CAST: variants seen among roughly 807,000 people sequenced by gnomAD.
CAST encodes MIR583 host.
A neutral mutation model predicts 119.6 loss-of-function variants in CAST; 76 were observed. The ratio of observed to expected loss-of-function variants is 0.64; its 90% CI spans 0.53 to 0.77. The LOEUF is 0.77. CAST is among the 30% of genes least tolerant of loss of function. The pLI, the probability that CAST is intolerant of heterozygous loss-of-function variation, is 0.00. For missense variants in CAST, 953 were observed against 946.5 expected, an observed-to-expected ratio of 1.01 and a Z score of -0.09; for synonymous variants, 319 against 331.6, an observed-to-expected ratio of 0.96 and a Z score of 0.41.
At chr5:96,497,679 A>T in the CAST span, among the ~76,000 whole-genome samples, 1 of 152,118 alleles carries the variant, frequency 6.6e-6, no homozygotes. Flanking sequence ...GTGTCTGTTC[A>T]TATCCTTTGC....
chr5:96,282,925 C>A, the CAST span, among the ~76,000 whole-genome samples: 25 of 151,080 alleles, frequency 1.7e-4, no homozygotes, highest in Non-Finnish European at 1.5e-4. Context: ...GTCAGGAGAT[C>A]GAGACCATCC....
the CAST span, among the ~76,000 whole-genome samples, chr5:96,073,521 T>C: frequency 6.6e-6 from 1 of 152,210 alleles, no homozygotes; most frequent in Non-Finnish European, 1.5e-5. Context: ...CCCACCTTTT[T>C]GGCACCAAGG....
intron 1 of CAST, chr5:96,663,259 G>T (rs1212129776): frequency 1.7e-5 from 12 of 701,356 alleles, no homozygotes; most frequent in Non-Finnish European, 2.6e-5. Flanking sequence ...TGCGGATGAA[G>T]CGTTGTCCGG....
intron 1 of CAST, among the ~76,000 whole-genome samples, chr5:96,594,145 C>A (rs992413669): frequency 2.0e-5 from 3 of 152,218 alleles, no homozygotes; most frequent in Non-Finnish European, 4.4e-5. Flanking sequence ...CCAAATAGAA[C>A]TTTCTCTGAA....
chr5:96,700,415 C>G (rs73774397), intron 3 of CAST, among the ~76,000 whole-genome samples: 2,725 of 152,094 alleles, frequency 0.018, 79 homozygotes, highest in African/African-American at 0.062. Context: ...CAAATAATAA[C>G]CAGGGCTTGA....
chr5:96,150,815 G>A, the CAST span, among the ~76,000 whole-genome samples: 11 of 152,232 alleles, frequency 7.2e-5, no homozygotes, highest in South Asian at 1.5e-3. Flanking sequence ...TGGGGGGCAG[G>A]GCCTCTGAAA....
chr5:96,513,617 T>C, the CAST span, among the ~76,000 whole-genome samples: 2 of 152,218 alleles, frequency 1.3e-5, no homozygotes, highest in Admixed American at 1.3e-4. Flanking sequence ...GCCAGTCAAG[T>C]GCTACCTCTG....
chr5:95,961,504 C>G, the CAST span: 12 of 1,372,472 alleles, frequency 8.7e-6, no homozygotes, highest in East Asian at 2.8e-4. Flanking sequence ...CGGCCCCGCA[C>G]CCGGGCGCGG....
At chr5:96,369,600 C>T in the CAST span, among the ~76,000 whole-genome samples, 4 of 152,190 alleles carry the variant, frequency 2.6e-5, no homozygotes, top group South Asian at 4.2e-4. Context: ...GGAAGATGAT[C>T]GTAGAAGAAT....
At chr5:96,129,634 T>C in the CAST span, among the ~76,000 whole-genome samples, 1 of 152,138 alleles carries the variant, frequency 6.6e-6, no homozygotes, top group African/African-American at 2.4e-5. Context: ...CAGTGATGCA[T>C]GAAATAAAGT....
At chr5:96,609,986 TCC>T (rs1747330183) in intron 1 of CAST, among the ~76,000 whole-genome samples, 1 of 152,118 alleles carries the variant, frequency 6.6e-6, no homozygotes, top group Admixed American at 6.5e-5. Flanking sequence ...TTTGGCTGTG[TCC>T]CCACTCAAAT....
the CAST span, among the ~76,000 whole-genome samples, chr5:96,153,717 T>C: frequency 6.6e-6 from 1 of 152,134 alleles, no homozygotes; most frequent in Admixed American, 6.5e-5. Flanking sequence ...CAATCTAGAG[T>C]TTCAGGCTAG....
At chr5:96,060,558 G>A in the CAST span, among the ~76,000 whole-genome samples, 1 of 152,206 alleles carries the variant, frequency 6.6e-6, no homozygotes, top group African/African-American at 2.4e-5. Context: ...AGTTCTGGAA[G>A]CAGTATATTC....
At chr5:96,759,615 A>G (rs1767250228) in intron 24 of CAST, among the ~76,000 whole-genome samples, 2 of 152,194 alleles carry the variant, frequency 1.3e-5, no homozygotes, top group Admixed American at 1.3e-4. Flanking sequence ...GGAAATGAAA[A>G]TAGCGGCATG....
At chr5:96,486,934 C>T in the CAST span, among the ~76,000 whole-genome samples, 2 of 152,158 alleles carry the variant, frequency 1.3e-5, no homozygotes, top group African/African-American at 4.8e-5. Flanking sequence ...AAAAGCCAAT[C>T]AAAAATTGTG....
At chr5:96,693,155 C>T (rs938320428) in intron 2 of CAST, among the ~76,000 whole-genome samples, 3 of 152,194 alleles carry the variant, frequency 2.0e-5, no homozygotes, top group Admixed American at 6.5e-5. Flanking sequence ...AGTCTCACTT[C>T]AGCTGAACTA....
intron 1 of CAST, among the ~76,000 whole-genome samples, chr5:96,654,059 C>CT (rs1748126795): frequency 1.5e-5 from 2 of 137,088 alleles, no homozygotes; most frequent in Non-Finnish European, 3.0e-5. Context: ...GAGTCTCACT[C>CT]TGTTGCCCAG....
chr5:96,247,045 T>C, the CAST span, among the ~76,000 whole-genome samples: 1 of 152,236 alleles, frequency 6.6e-6, no homozygotes, highest in African/African-American at 2.4e-5. Context: ...TCATTAAGTA[T>C]ATAGATCATT....
intron 1 of CAST, among the ~76,000 whole-genome samples, chr5:96,645,556 C>T (rs538161462): frequency 3.9e-5 from 6 of 152,154 alleles, no homozygotes; most frequent in East Asian, 1.9e-4. Flanking sequence ...CTTTTCCTTT[C>T]GTCTTTAATA....
Sources: allele counts gnomAD v4.1 joint callset (sites outside exome capture counted in the v4.1 genomes callset), GRCh38; gene constraint gnomAD v4.1.1; transcripts MANE v1.5; gene names NCBI Gene and HGNC (gene_info 2026-07-23, HGNC 2026-07-21).